The following TTC7B variants were observed in gnomAD, a reference collection of about 807,000 sequenced individuals.
TTC7B encodes tetratricopeptide repeat domain 7B, also known as tetratricopeptide repeat protein 7B.
Under a neutral mutation model 106.8 loss-of-function variants are expected in TTC7B, and 28 were observed. The ratio of observed to expected loss-of-function variants is 0.26; its 90% CI spans 0.19 to 0.36. The LOEUF (loss-of-function observed/expected upper bound fraction) is 0.36. TTC7B is among the 10% of genes least tolerant of loss of function. TTC7B has a pLI of 1.00. For missense variants in TTC7B, 862 were observed against 1,076.4 expected (o/e 0.80, Z 2.79); for synonymous variants, 405 against 430.6 (o/e 0.94, Z 0.74).
At chr14:90,610,203 A>G (rs1410468108) in intron 17 of TTC7B, among the ~76,000 whole-genome samples, 1 of 152,236 alleles carries the variant, frequency 6.6e-6, no homozygotes, top group African/African-American at 2.4e-5. Context: ...CCCTGTAGTT[A>G]GGTGGACTCA....
chr14:90,622,196 T>G (rs1884237253), intron 15 of TTC7B, among the ~76,000 whole-genome samples: 1 of 151,120 alleles, frequency 6.6e-6, no homozygotes, highest in Non-Finnish European at 1.5e-5. Context: ...TGGCTCACTG[T>G]CAACCTCCGC....
rs901771849 is a variant in TTC7B, at chr14:90,657,410, G to A, written c.1237-132C>T. ...GTCCAACTTTAAGCCCAAGCAAGCG[G>A]GGGCCTGAGGTGCATGAAAACCAGA... On this transcript the variant is annotated intron_variant, in intron 10 of 19. Coordinates refer to ENST00000328459, the MANE Select transcript of TTC7B (RefSeq NM_001010854.2). This position sits in a 1 kb window ranked among gnomAD's most constrained non-coding sequence, Gnocchi z 4.2. 2 of 729,204 alleles carry A rather than the reference G, an allele frequency of 2.7e-6. No homozygotes were observed. The highest frequency in any genetic ancestry group is 1.8e-5 in the African/African-American group (1 of 56,448). 45.2% of individuals were successfully genotyped at this position (729,204 alleles called of 1,614,324 possible). A position where few individuals can be genotyped will look rare whatever the true frequency, so the allele number is the denominator to read the frequency against.
chr14:90,732,014 T>G (rs1309389551), intron 4 of TTC7B, among the ~76,000 whole-genome samples: 1 of 152,082 alleles, frequency 6.6e-6, no homozygotes, highest in Non-Finnish European at 1.5e-5. Context: ...AAAAATCACC[T>G]CACAATTCCA....
chr14:90,787,296 C>T (rs1208691347), intron 1 of TTC7B, among the ~76,000 whole-genome samples: 2 of 152,208 alleles, frequency 1.3e-5, no homozygotes, highest in Admixed American at 6.5e-5. Context: ...CCAGGAGCAG[C>T]TCTTTGTAAT....
intron 9 of TTC7B, chr14:90,675,365 A>T (rs773107814): frequency 4.6e-5 from 7 of 152,574 alleles, no homozygotes; most frequent in African/African-American, 1.4e-4. Context: ...GACACAGCTG[A>T]CAGGAACTTA....
rs1246123269 is a variant in TTC7B at position 90,528,446 on chromosome 14, T to A, written c.*12922A>T. The stretch of plus-strand genomic sequence containing the variant: ...CCCAGGCTGGGGTGCAGTGGCATAA[T>A]CACTGCAGCCTTGACCTCCCACTTT... On this transcript the variant is annotated 3_prime_UTR_variant, in exon 20 of 20. Transcript: ENST00000328459. 2 of 152,512 alleles carry A rather than the reference T, an allele frequency of 1.3e-5. No homozygotes were observed. Among genetic ancestry groups the A allele is most frequent in the Non-Finnish European group, 2.9e-5 (2 of 68,242 alleles). 9.4% of individuals were successfully genotyped at this position (152,512 alleles called of 1,614,324 possible). A position where few individuals can be genotyped will look rare whatever the true frequency, so the allele number is the denominator to read the frequency against.
intron 3 of TTC7B, chr14:90,766,543 A>G: frequency 1.3e-6 from 1 of 766,290 alleles, no homozygotes; most frequent in South Asian, 1.4e-5. Context: ...GTCTCTAGTG[A>G]TCCCTGAAAA....
At chr14:90,793,503 C>A (rs1281049766) in intron 1 of TTC7B, among the ~76,000 whole-genome samples, 1 of 134,538 alleles carries the variant, frequency 7.4e-6, no homozygotes, top group Non-Finnish European at 1.6e-5. Context: ...CCAGCCTTGG[C>A]GAAAGAGCAA....
At chr14:90,625,032 G>C (rs1055367190) in intron 15 of TTC7B, among the ~76,000 whole-genome samples, 1 of 152,204 alleles carries the variant, frequency 6.6e-6, no homozygotes, top group African/African-American at 2.4e-5. Context: ...TGTCCAGATC[G>C]GGGGAGCTGG....
chr14:90,598,733 T>G (rs1395994876), intron 17 of TTC7B, among the ~76,000 whole-genome samples: 3 of 152,246 alleles, frequency 2.0e-5, no homozygotes, highest in Non-Finnish European at 4.4e-5. Context: ...AAAATCCTTT[T>G]TCCAATGCAC....
intron 18 of TTC7B, among the ~76,000 whole-genome samples, chr14:90,585,957 C>A (rs1891693163): frequency 6.6e-6 from 1 of 152,190 alleles, no homozygotes; most frequent in Admixed American, 6.5e-5. Flanking sequence ...AGCGGCACTG[C>A]CCACCGGCCA....
chr14:90,766,573 G>A (rs1050230764), intron 3 of TTC7B: 2 of 805,890 alleles, frequency 2.5e-6, no homozygotes, highest in Non-Finnish European at 4.4e-6. Context: ...TATTTTGTGA[G>A]TACTCAACAC....
rs1403574594 is a variant in TTC7B, at chr14:90,655,124, CAAGTT to C, written c.1342-19_1342-15del. 1.9e-6 allele frequency: 3 copies of C among 1,596,950 alleles called. No homozygotes were observed. Among genetic ancestry groups the C allele is most frequent in the Non-Finnish European group, 2.6e-6 (3 of 1,164,426 alleles). ...AGCCTCTTCCAACTGAAAAATGAGA[CAAGTT>C]AAAAACAACAACAACCTGCAGAATT... On this transcript the variant is annotated splice_polypyrimidine_tract_variant and intron_variant, in intron 11 of 19. Coordinates refer to ENST00000328459, the MANE Select transcript of TTC7B (RefSeq NM_001010854.2).
At chr14:90,728,337 CAAAAAAAAAAAAAAA>C (rs35504744) in intron 5 of TTC7B, among the ~76,000 whole-genome samples, 2 of 40,036 alleles carry the variant, frequency 5.0e-5, no homozygotes, top group African/African-American at 1.1e-4. Context: ...GTCCCCCCCG[CAAAAAAAAAAAAAAA>C]AAAAAAAAAA....
intron 2 of TTC7B, among the ~76,000 whole-genome samples, chr14:90,782,114 G>C (rs186156928): frequency 1.8e-4 from 28 of 152,296 alleles, no homozygotes; most frequent in African/African-American, 6.7e-4. Flanking sequence ...AGCTATCTCA[G>C]CCAGCGTGGT....
chr14:90,590,281 C>T (rs1253769327), intron 18 of TTC7B, among the ~76,000 whole-genome samples: 1 of 152,172 alleles, frequency 6.6e-6, no homozygotes, highest in East Asian at 1.9e-4. Flanking sequence ...ATCTCCTTGT[C>T]ATATACATGC....
chr14:90,773,745 A>T (rs918784001), intron 3 of TTC7B, among the ~76,000 whole-genome samples: 2 of 152,158 alleles, frequency 1.3e-5, no homozygotes, highest in African/African-American at 4.8e-5. Flanking sequence ...CTGAGGCCAA[A>T]ACAGACCGAG....
At chr14:90,796,756 G>A (rs769045126) in intron 1 of TTC7B, among the ~76,000 whole-genome samples, 58 of 152,248 alleles carry the variant, frequency 3.8e-4, no homozygotes, top group Middle Eastern at 3.4e-3. Flanking sequence ...TGGCATCCAG[G>A]AGGAAGAAAC....
At chr14:90,728,326 C>T (rs1333942568) in intron 5 of TTC7B, among the ~76,000 whole-genome samples, 11 of 116,000 alleles carry the variant, frequency 9.5e-5, no homozygotes, top group South Asian at 3.1e-4. Context: ...AGCAAGACCT[C>T]GTCCCCCCCG....
Sources: allele counts gnomAD v4.1 joint callset (sites outside exome capture counted in the v4.1 genomes callset), GRCh38; gene constraint gnomAD v4.1.1; non-coding constraint Gnocchi (gnomAD v3.1); transcripts MANE v1.5; gene names NCBI Gene and HGNC (gene_info 2026-07-23, HGNC 2026-07-21).